The following ENPP2 variants were observed in gnomAD, a reference collection of about 807,000 sequenced individuals.
ENPP2 encodes autotaxin.
In ENPP2, 51 loss-of-function variants were observed where a neutral mutation model predicts 120.2. The observed-to-expected ratio is 0.42, with a 90% CI of 0.34 to 0.54. The LOEUF is 0.54. Among genes scored for constraint, ENPP2 ranks in the 20% least tolerant of loss-of-function variants. The pLI, the probability that ENPP2 is intolerant of heterozygous loss-of-function variation, is 0.04. For synonymous variants in ENPP2, 365 were observed against 366.4 expected, an observed-to-expected ratio of 1.00 and a Z score of 0.04; for missense variants, 920 against 1,066.5, an observed-to-expected ratio of 0.86 and a Z score of 1.91.
intron 2 of ENPP2, among the ~76,000 whole-genome samples, chr8:119,632,813 T>TA (rs1313801261): frequency 6.6e-5 from 10 of 152,218 alleles, no homozygotes; most frequent in Non-Finnish European, 1.2e-4. Context: ...CTCACGCCTG[T>TA]AATCCCAAGA....
At chr8:119,624,787 AAC>A (rs572275169) in intron 3 of ENPP2, among the ~76,000 whole-genome samples, 4 of 152,110 alleles carry the variant, frequency 2.6e-5, no homozygotes, top group Admixed American at 6.6e-5. Flanking sequence ...ACATACTGAA[AAC>A]ACACACACAC....
chr8:119,560,246 A>C (rs750377552), intron 24 of ENPP2, among the ~76,000 whole-genome samples: 72 of 152,168 alleles, frequency 4.7e-4, no homozygotes, highest in Admixed American at 1.0e-3. Context: ...ATAATACAAC[A>C]GTTTAATGTT....
chr8:119,596,395 T>C (rs75324548), intron 11 of ENPP2, among the ~76,000 whole-genome samples: 4,638 of 152,258 alleles, frequency 0.03, 214 homozygotes, highest in African/African-American at 0.1. Flanking sequence ...AACTGAAAAG[T>C]AGGCTAAATA....
chr8:119,570,278 G>GGAAA (rs1554605363), intron 20 of ENPP2, among the ~76,000 whole-genome samples: 73 of 76,840 alleles, frequency 9.5e-4, no homozygotes, highest in African/African-American at 2.8e-3. Flanking sequence ...CAAAACATTA[G>GGAAA]AAAAAAAAAA....
rs184324584 is a variant in ENPP2, at chr8:119,583,207, C to T, written c.1543+510G>A. On this transcript the variant is annotated intron_variant, in intron 17 of 24. Coordinates refer to ENST00000075322, the MANE Select transcript of ENPP2 (RefSeq NM_001040092.3). Reference sequence around the variant, plus strand: ...GCTAGCAGCCAAGATGGGAAAAGAACCCAGGAGACCCGACTTGCAGACTCC... The same window carrying T: ...GCTAGCAGCCAAGATGGGAAAAGAATCCAGGAGACCCGACTTGCAGACTCC... 5.1e-3 allele frequency among the ~76,000 whole-genome samples: 776 copies of T among 152,246 alleles called. 5 individuals are homozygous for T. Among genetic ancestry groups the T allele is most frequent in the South Asian group, 0.013 (64 of 4,814 alleles).
At chr8:119,649,032 A>G (rs1184980503) in intron 1 of ENPP2, among the ~76,000 whole-genome samples, 1 of 152,208 alleles carries the variant, frequency 6.6e-6, no homozygotes, top group East Asian at 1.9e-4. Flanking sequence ...GCTTGATATA[A>G]GACAAAAATA....
At chr8:119,576,719 A>C (rs1369985569) in intron 19 of ENPP2, among the ~76,000 whole-genome samples, 8 of 152,184 alleles carry the variant, frequency 5.3e-5, no homozygotes, top group Admixed American at 5.2e-4. Context: ...TTCATTCATT[A>C]ATTCATCCAT....
chr8:119,566,951 C>T (rs1814502072), intron 22 of ENPP2, among the ~76,000 whole-genome samples: 1 of 152,198 alleles, frequency 6.6e-6, no homozygotes, highest in Non-Finnish European at 1.5e-5. Flanking sequence ...CGTTTACTAA[C>T]TAGGACATCA....
rs566721541 is a variant in ENPP2, at chr8:119,562,778, T to C, written c.2421+79A>G. On this transcript the variant is annotated intron_variant, in intron 24 of 24. Coordinates refer to ENST00000075322, the MANE Select transcript of ENPP2 (RefSeq NM_001040092.3). ...ATGCTTTATAATAAGTATGTTCTAG[T>C]TCAATGATGGAAATATAAAGTAAGA... is the stretch of plus-strand genomic sequence containing the variant. 22 of 1,347,458 alleles carry C rather than the reference T, an allele frequency of 1.6e-5. No individual in the cohort carries two copies. In the South Asian group the frequency reaches 2.2e-4, roughly 14 times the overall value. 83.5% of individuals were successfully genotyped at this position (1,347,458 alleles called of 1,614,324 possible).
At chr8:119,564,693 T>A in intron 23 of ENPP2, 130 bp downstream of exon 23, 1 of 383,626 alleles carries the variant, frequency 2.6e-6, no homozygotes, top group Non-Finnish European at 4.4e-6. Flanking sequence ...AATATATATA[T>A]ATATATATTG....
At chr8:119,577,262 T>C (rs1812405522) in intron 19 of ENPP2, among the ~76,000 whole-genome samples, 1 of 152,212 alleles carries the variant, frequency 6.6e-6, no homozygotes, top group African/African-American at 2.4e-5. Flanking sequence ...TTTAAAAGCC[T>C]TCATATGTAT....
chr8:119,657,241 G>T (rs1477113252), intron 1 of ENPP2, among the ~76,000 whole-genome samples: 1 of 152,168 alleles, frequency 6.6e-6, no homozygotes, highest in East Asian at 1.9e-4. Context: ...CTCGTTTTAT[G>T]AGTGAAGAAA....
intron 7 of ENPP2, among the ~76,000 whole-genome samples, chr8:119,616,764 C>T (rs773837412): frequency 2.3e-4 from 35 of 151,792 alleles, no homozygotes; most frequent in East Asian, 3.9e-4. Context: ...TATTGCTCCC[C>T]GAATCAATAA....
At chr8:119,579,631 C>T (rs1340304273) in intron 19 of ENPP2, among the ~76,000 whole-genome samples, 2 of 151,274 alleles carry the variant, frequency 1.3e-5, no homozygotes, top group African/African-American at 2.4e-5. Flanking sequence ...TATCATTGTA[C>T]GTAAAGTAAG....
At chr8:119,596,020 G>A (rs1365230484) in intron 11 of ENPP2, 2 of 1,612,684 alleles carry the variant, frequency 1.2e-6, no homozygotes, top group South Asian at 1.1e-5. Flanking sequence ...GGCGGATAGA[G>A]ATGTCTGGAC....
chr8:119,578,054 G>GTTGT (rs990577798), intron 19 of ENPP2, among the ~76,000 whole-genome samples: 2 of 151,886 alleles, frequency 1.3e-5, no homozygotes, highest in African/African-American at 2.4e-5. Context: ...TGTTGTTGTT[G>GTTGT]TTGTTTGTTT....
chr8:119,635,161 C>T (rs1306604121), intron 2 of ENPP2, among the ~76,000 whole-genome samples: 2 of 152,336 alleles, frequency 1.3e-5, no homozygotes, highest in African/African-American at 4.8e-5. Flanking sequence ...TAAACCTTCT[C>T]ACTTCTAGTT....
chr8:119,557,468 A>T lies in ENPP2; in HGVS notation c.*53T>A. The T allele has an allele frequency of 7.1e-7, 1 of 1,401,814 alleles. No individual in the cohort carries two copies. Among genetic ancestry groups the T allele is most frequent in the South Asian group, 1.3e-5 (1 of 79,482 alleles). 86.8% of individuals were successfully genotyped at this position (1,401,814 alleles called of 1,614,324 possible). A position where few individuals can be genotyped will look rare whatever the true frequency, so the allele number is the denominator to read the frequency against. ...GTTTCAAATTAATAAATACAAAAAC[A>T]ATATAAAAATATACAACCAGTTGAT... On this transcript the variant is annotated 3_prime_UTR_variant, in exon 25 of 25. Coordinates refer to ENST00000075322, the MANE Select transcript of ENPP2 (RefSeq NM_001040092.3).
chr8:119,602,083 C>T (rs770364555), intron 9 of ENPP2, among the ~76,000 whole-genome samples: 8 of 152,302 alleles, frequency 5.3e-5, no homozygotes, highest in Non-Finnish European at 8.8e-5. Flanking sequence ...CACTACCTAA[C>T]CTGAAACTTT....
Sources: gnomAD v4.1 joint callset for allele counts (sites outside exome capture counted in the v4.1 genomes callset) on GRCh38, gnomAD v4.1.1 for gene constraint, MANE v1.5 for transcripts, NCBI Gene and HGNC (gene_info 2026-07-23, HGNC 2026-07-21) for gene names.